Variants in PLCL1 observed in about 807,000 individuals in gnomAD.
PLCL1 encodes phospholipase C like 1 (inactive).
A neutral mutation model predicts 84.4 loss-of-function variants in PLCL1; 41 were observed. The observed-to-expected ratio is 0.49, with a 90% CI of 0.38 to 0.63. The LOEUF (loss-of-function observed/expected upper bound fraction) is 0.63. Among genes scored for constraint, PLCL1 ranks in the 30% least tolerant of loss-of-function variants. PLCL1 has a pLI of 0.00. For missense variants in PLCL1, 1,206 were observed against 1,367.8 expected, an observed-to-expected ratio of 0.88 and a Z score of 1.87; for synonymous variants, 490 against 488.3, an observed-to-expected ratio of 1.00 and a Z score of -0.05.
At chr2:197,942,314 T>G (rs575268841) in intron 1 of PLCL1, among the ~76,000 whole-genome samples, 181 of 152,318 alleles carry the variant, frequency 1.2e-3, no homozygotes, top group African/African-American at 4.2e-3. Context: ...CTTGCCCCTT[T>G]GCCTTTTAAC....
At chr2:197,853,495 A>G (rs758873679) in intron 1 of PLCL1, among the ~76,000 whole-genome samples, 3 of 152,132 alleles carry the variant, frequency 2.0e-5, no homozygotes, top group Non-Finnish European at 4.4e-5. Flanking sequence ...CACCTTCCTT[A>G]TTTGTGAAAC....
rs565324956 is a variant in PLCL1 at position 198,122,469 on chromosome 2, A to C, written c.3105+18533A>C. Among the ~76,000 whole-genome samples, 31 of 152,186 alleles carry C rather than the reference A, an allele frequency of 2.0e-4. No individual in the cohort carries two copies. In the South Asian group the frequency reaches 6.4e-3, roughly 32 times the overall value. ...TTTAAGTATTTACCAAGAACTCATC[A>C]TATATCTAGTGCCATAAATATATGA... On this transcript the variant is annotated intron_variant, in intron 5 of 5. Coordinates refer to ENST00000428675, the MANE Select transcript of PLCL1 (RefSeq NM_006226.4).
chr2:198,126,158 CCTT>C (rs1693978675), intron 5 of PLCL1, among the ~76,000 whole-genome samples: 1 of 152,106 alleles, frequency 6.6e-6, no homozygotes, highest in African/African-American at 2.4e-5. Context: ...TCCACTTACT[CCTT>C]CTGCTCCTAA....
At chr2:198,082,251 G>A (rs1015497478) in intron 1 of PLCL1, among the ~76,000 whole-genome samples, 1 of 152,130 alleles carries the variant, frequency 6.6e-6, no homozygotes, top group Non-Finnish European at 1.5e-5. Flanking sequence ...GAGAGGTTAA[G>A]TGACTCACTC....
chr2:197,983,848 C>A (rs1051371447), intron 1 of PLCL1, among the ~76,000 whole-genome samples: 1 of 152,100 alleles, frequency 6.6e-6, no homozygotes, highest in Admixed American at 6.6e-5. Context: ...CATAGACCTG[C>A]AAAAATACAC....
intron 2 of PLCL1, among the ~76,000 whole-genome samples, chr2:198,087,032 CCCA>C (rs1692903508): frequency 6.6e-6 from 1 of 151,862 alleles, no homozygotes; most frequent in Non-Finnish European, 1.5e-5. Context: ...TAAATTACTC[CCCA>C]CAAGAACAAG....
chr2:197,883,082 T>A (rs902201319), intron 1 of PLCL1, among the ~76,000 whole-genome samples: 1 of 152,192 alleles, frequency 6.6e-6, no homozygotes, highest in Non-Finnish European at 1.5e-5. Flanking sequence ...GAGAGGATTC[T>A]AGACATTGCA....
In PLCL1 at chr2:198,088,928, C is replaced by A; in HGVS notation, c.2786C>A (p.Thr929Asn). ...GCCAGTCTGAAGCAGTGCCTGTTAA[C>A]TCTGTCATCTCGGCTCATCACCAGT... The part of the protein sequence containing the change: ...PIASLKQCLL[T>N]LSSRLITSDN... The change falls in exon 3 of 6, where the codon ACT becomes AAT. Residue 929 changes from threonine to asparagine, a missense_variant. Physicochemically the swap from Thr to Asn is moderately conservative, Grantham distance 65 (BLOSUM62 0). Transcript: ENST00000428675. 1 of 1,612,602 alleles carries A rather than the reference C, an allele frequency of 6.2e-7. No homozygotes were observed. The highest frequency in any genetic ancestry group is 1.1e-5 in the South Asian group (1 of 91,050).
intron 1 of PLCL1, among the ~76,000 whole-genome samples, chr2:197,946,106 C>G (rs549885659): frequency 1.3e-3 from 201 of 151,986 alleles, no homozygotes; most frequent in African/African-American, 4.3e-3. Context: ...TAAAAAAGAC[C>G]TCCAGATAGA....
chr2:198,007,826 T>C (rs1475692365), intron 1 of PLCL1, among the ~76,000 whole-genome samples: 2 of 152,130 alleles, frequency 1.3e-5, no homozygotes, highest in Non-Finnish European at 2.9e-5. Context: ...CCATAAAAGA[T>C]ATAATGTTTA....
At chr2:197,906,661 C>A (rs556640143) in intron 1 of PLCL1, among the ~76,000 whole-genome samples, 72 of 152,216 alleles carry the variant, frequency 4.7e-4, no homozygotes, top group African/African-American at 1.7e-3. Flanking sequence ...GCAGTAAGGC[C>A]ATTTTCACGA....
chr2:197,994,972 G>A (rs1463848925), intron 1 of PLCL1, among the ~76,000 whole-genome samples: 2 of 152,148 alleles, frequency 1.3e-5, no homozygotes, highest in Non-Finnish European at 2.9e-5. Flanking sequence ...TGATTAAGCT[G>A]TCATTTCTCA....
At chr2:198,011,346 A>T (rs1315372250) in intron 1 of PLCL1, among the ~76,000 whole-genome samples, 1 of 151,944 alleles carries the variant, frequency 6.6e-6, no homozygotes, top group Non-Finnish European at 1.5e-5. Flanking sequence ...TTTCTAAATT[A>T]TCTTGTGATT....
chr2:197,960,027 C>A (rs919688545), intron 1 of PLCL1, among the ~76,000 whole-genome samples: 1 of 152,082 alleles, frequency 6.6e-6, no homozygotes, highest in African/African-American at 2.4e-5. Flanking sequence ...ACAGTGAATG[C>A]CCGAGCTTGG....
chr2:198,021,986 T>C (rs1397822098), intron 1 of PLCL1, among the ~76,000 whole-genome samples: 5 of 152,134 alleles, frequency 3.3e-5, no homozygotes, highest in African/African-American at 7.2e-5. Flanking sequence ...AAATCCTCAA[T>C]AAAATACTGG....
intron 1 of PLCL1, among the ~76,000 whole-genome samples, chr2:197,814,998 T>C (rs1285848529): frequency 1.3e-5 from 2 of 152,226 alleles, no homozygotes; most frequent in African/African-American, 4.8e-5. Context: ...AATTGCAAGG[T>C]GAAGCAGCAA....
chr2:197,986,403 G>A (rs888142170), intron 1 of PLCL1, among the ~76,000 whole-genome samples: 2 of 152,154 alleles, frequency 1.3e-5, no homozygotes, highest in Non-Finnish European at 2.9e-5. Flanking sequence ...CCAGGCTGGA[G>A]TGCAGTAGTG....
intron 1 of PLCL1, among the ~76,000 whole-genome samples, chr2:197,823,776 G>A (rs978846390): frequency 1.9e-5 from 2 of 107,752 alleles, no homozygotes; most frequent in Non-Finnish European, 3.9e-5. Flanking sequence ...CAGAAACTTT[G>A]ATTTGAGTTG....
At chr2:198,078,462 T>A (rs1022797295) in intron 1 of PLCL1, among the ~76,000 whole-genome samples, 1 of 152,098 alleles carries the variant, frequency 6.6e-6, no homozygotes, top group African/African-American at 2.4e-5. Flanking sequence ...ACAGATAGGG[T>A]CTGTATGGTG....
Sources: gnomAD v4.1 joint callset for allele counts (sites outside exome capture counted in the v4.1 genomes callset) on GRCh38, gnomAD v4.1.1 for gene constraint, MANE v1.5 for transcripts, NCBI Gene and HGNC (gene_info 2026-07-23, HGNC 2026-07-21) for gene names.